The following ERCC6L2 variants were observed in gnomAD, a reference collection of about 807,000 sequenced individuals.
The protein encoded by ERCC6L2 is ERCC excision repair 6 like 2.
In ERCC6L2, 77 loss-of-function variants were observed where a neutral mutation model predicts 132.0. That is an observed-to-expected ratio of 0.58 (90% CI 0.49 to 0.71). The LOEUF is 0.71. Ranked by LOEUF, ERCC6L2 falls within the 30% of genes least tolerant of loss-of-function variation. The pLI, the probability that ERCC6L2 is intolerant of heterozygous loss-of-function variation, is 0.00. For synonymous variants in ERCC6L2, 583 were observed against 632.4 expected (o/e 0.92, Z 1.17); for missense variants, 1,542 against 1,837.6 (o/e 0.84, Z 2.94).
intron 5 of ERCC6L2, 103 bp downstream of exon 5, chr9:95,915,932 C>T: frequency 8.3e-7 from 1 of 1,204,782 alleles, no homozygotes; most frequent in African/African-American, 1.5e-5. Context: ...AGTCATTTGT[C>T]TGGTTTTAGA....
intron 19 of ERCC6L2, among the ~76,000 whole-genome samples, chr9:96,029,775 T>TTTTG (rs762671616): frequency 7.2e-5 from 11 of 152,172 alleles, no homozygotes; most frequent in African/African-American, 1.2e-4. Flanking sequence ...ATCATGGGTT[T>TTTTG]TTTGTTTGTT....
At chr9:95,989,080 T>A (rs1833199761) in intron 17 of ERCC6L2, among the ~76,000 whole-genome samples, 1 of 152,184 alleles carries the variant, frequency 6.6e-6, no homozygotes, top group African/African-American at 2.4e-5. Flanking sequence ...CCACACTCAG[T>A]CCTGAGTGCT....
intron 13 of ERCC6L2, among the ~76,000 whole-genome samples, chr9:95,957,057 T>A (rs1020666413): frequency 6.6e-6 from 1 of 152,218 alleles, no homozygotes; most frequent in Non-Finnish European, 1.5e-5. Flanking sequence ...CTAACTACTT[T>A]CCTGGTACTT....
chr9:96,033,688 AG>A (rs1179696170), intron 19 of ERCC6L2, among the ~76,000 whole-genome samples: 2 of 152,246 alleles, frequency 1.3e-5, no homozygotes, highest in African/African-American at 4.8e-5. Flanking sequence ...GGGTCTTGGA[AG>A]AACACTATCC....
chr9:95,998,350 A>G (rs74608503), intron 17 of ERCC6L2, among the ~76,000 whole-genome samples: 3,099 of 152,328 alleles, frequency 0.02, 35 homozygotes, highest in South Asian at 0.039. Context: ...TCTGGAACCT[A>G]TGAATACATT....
intron 2 of ERCC6L2, among the ~76,000 whole-genome samples, chr9:95,896,501 A>T (rs1428609499): frequency 2.0e-5 from 3 of 151,038 alleles, no homozygotes; most frequent in African/African-American, 7.3e-5. Flanking sequence ...GGCCCACTGC[A>T]GCCTCATTCT....
intron 1 of ERCC6L2, among the ~76,000 whole-genome samples, chr9:95,877,360 T>G (rs1181539218): frequency 1.3e-5 from 2 of 151,770 alleles, no homozygotes; most frequent in Non-Finnish European, 1.5e-5. Flanking sequence ...TTGCACATGC[T>G]GTACACTTAT....
intron 17 of ERCC6L2, among the ~76,000 whole-genome samples, chr9:95,999,422 T>C (rs1260439495): frequency 6.6e-6 from 1 of 152,190 alleles, no homozygotes. Context: ...ATGTGGAATG[T>C]TTGGCAAAAA....
intron 14 of ERCC6L2, among the ~76,000 whole-genome samples, chr9:95,969,417 G>A (rs1193149641): frequency 6.6e-6 from 1 of 152,132 alleles, no homozygotes; most frequent in African/African-American, 2.4e-5. Flanking sequence ...TGTGGTGGGT[G>A]GCATGAGAAG....
Position 95,981,935 on chromosome 9 carries a change from A to G in ERCC6L2, c.3492+3720A>G, listed in dbSNP as rs75695517. Among the ~76,000 whole-genome samples the G allele has an allele frequency of 3.6e-3, 547 of 152,328 alleles. 2 individuals carry two copies. Among genetic ancestry groups the G allele is most frequent in the African/African-American group, 0.013 (521 of 41,576 alleles). On this transcript the variant is annotated intron_variant, in intron 17 of 18. Coordinates refer to ENST00000653738, the MANE Select transcript of ERCC6L2 (RefSeq NM_020207.7). ...TCCCCTCAGTTTCCTGCCAGCTGTC[A>G]TAGTCAACCTCTGCTGCCTGAATCC...
At chr9:95,998,466 A>C (rs561034252) in intron 17 of ERCC6L2, among the ~76,000 whole-genome samples, 3 of 152,334 alleles carry the variant, frequency 2.0e-5, no homozygotes, top group African/African-American at 7.2e-5. Context: ...TAAGGATGTT[A>C]ATTAACCCAC....
At position 95,995,175 on chromosome 9, in the gene ERCC6L2, T is replaced by A. The variant is rs139086585; in HGVS notation, c.3493-9345T>A. On this transcript the variant is annotated intron_variant, in intron 17 of 18. Coordinates refer to ENST00000653738, the MANE Select transcript of ERCC6L2 (RefSeq NM_020207.7). ...GCTATCTGCAAAGTTAAGAGTTGAT[T>A]TTGTTTTTACTTACCCTTTCATATC... Among the ~76,000 whole-genome samples, 28 of 152,334 alleles carry A rather than the reference T, an allele frequency of 1.8e-4. No individual in the cohort carries two copies. In the East Asian group the frequency reaches 5.2e-3, roughly 28 times the overall value.
At chr9:95,952,477 C>T (rs1235275508) in intron 12 of ERCC6L2, among the ~76,000 whole-genome samples, 2 of 151,854 alleles carry the variant, frequency 1.3e-5, no homozygotes, top group Non-Finnish European at 2.9e-5. Context: ...GCCACATTAA[C>T]GAATGAAGGA....
intron 2 of ERCC6L2, among the ~76,000 whole-genome samples, chr9:95,888,703 TCTC>T (rs1828003764): frequency 6.6e-6 from 1 of 152,106 alleles, no homozygotes; most frequent in Non-Finnish European, 1.5e-5. Context: ...ATTTCCCAAA[TCTC>T]CTTGCATGTC....
intron 16 of ERCC6L2, among the ~76,000 whole-genome samples, chr9:95,976,657 T>G (rs1486447573): frequency 6.6e-6 from 1 of 152,148 alleles, no homozygotes; most frequent in African/African-American, 2.4e-5. Flanking sequence ...CTAATTTTGT[T>G]GTAAATGTCC....
chr9:95,947,747 G>A (rs1423317011), intron 12 of ERCC6L2, among the ~76,000 whole-genome samples: 2 of 152,164 alleles, frequency 1.3e-5, no homozygotes, highest in South Asian at 4.1e-4. Flanking sequence ...AAATCTTAGG[G>A]CCTTTAAAAG....
intron 11 of ERCC6L2, among the ~76,000 whole-genome samples, chr9:95,935,770 T>C (rs1210407514): frequency 6.6e-6 from 1 of 152,100 alleles, no homozygotes. Flanking sequence ...TTGAGGCCGA[T>C]TGGTCTCTGA....
Position 96,013,763 on chromosome 9 carries a change from T to C in ERCC6L2, c.*560T>C, listed in dbSNP as rs1203630143. On this transcript the variant is annotated 3_prime_UTR_variant, in exon 19 of 19. Coordinates refer to ENST00000653738, the MANE Select transcript of ERCC6L2 (RefSeq NM_020207.7). ...AAAAAGTCATAATTGGTACTGAATA[T>C]ATGGTATATATAATATTAAAATGGT... 2.0e-5 allele frequency: 3 copies of C among 152,330 alleles called. No homozygotes were observed. The highest frequency in any genetic ancestry group is 7.2e-5 in the African/African-American group (3 of 41,458). 9.4% of individuals were successfully genotyped at this position (152,330 alleles called of 1,614,324 possible). A position where few individuals can be genotyped will look rare whatever the true frequency, so the allele number is the denominator to read the frequency against.
intron 12 of ERCC6L2, among the ~76,000 whole-genome samples, chr9:95,945,636 C>A (rs1237125910): frequency 6.6e-6 from 1 of 152,180 alleles, no homozygotes; most frequent in Non-Finnish European, 1.5e-5. Context: ...ATTTGGGGAA[C>A]TAATAAATGT....
Sources: allele counts gnomAD v4.1 joint callset (sites outside exome capture counted in the v4.1 genomes callset), GRCh38; gene constraint gnomAD v4.1.1; transcripts MANE v1.5; gene names NCBI Gene and HGNC (gene_info 2026-07-23, HGNC 2026-07-21).